RAPH1: variants seen among roughly 807,000 people sequenced by gnomAD.
RAPH1 encodes the protein ras-associated and pleckstrin homology domains-containing protein 1.
In RAPH1, 18 loss-of-function variants were observed where a neutral mutation model predicts 88.1. The ratio of observed to expected loss-of-function variants is 0.20; its 90% CI spans 0.14 to 0.30. The LOEUF is 0.30. RAPH1 is among the 10% of genes least tolerant of loss of function. RAPH1 has a pLI of 1.00. For missense variants in RAPH1, 1,448 were observed against 1,543.2 expected (o/e 0.94, Z 1.03); for synonymous variants, 587 against 559.0 (o/e 1.05, Z -0.71).
At chr2:203,509,528 CTG>C (rs1201867937) in intron 1 of RAPH1, among the ~76,000 whole-genome samples, 6 of 152,108 alleles carry the variant, frequency 3.9e-5, no homozygotes, top group East Asian at 3.8e-4. Flanking sequence ...ATTATTAAAA[CTG>C]TGTTACTTTT....
Position 203,442,162 on chromosome 2 carries a change from T to C in RAPH1, c.1777-749A>G. The C allele has an allele frequency of 2.9e-6, 4 of 1,400,802 alleles. No homozygotes were observed. The South Asian group carries it at 4.4e-5, about 16-fold the overall frequency. The allele number at this position is 1,400,802 out of a possible 1,614,324, so 86.8% of individuals were successfully genotyped here. On this transcript the variant is annotated intron_variant, in intron 13 of 13. Transcript: ENST00000319170. Reference sequence around the variant, plus strand: ...ATCATACAGAAAAAGCCAGAAGAAATTAAGAGGAAGCTCTGGAAGGCTAGA... The same window carrying C: ...ATCATACAGAAAAAGCCAGAAGAAACTAAGAGGAAGCTCTGGAAGGCTAGA...
chr2:203,446,407 T>C (rs2098509698), intron 12 of RAPH1: 1 of 152,234 alleles, frequency 6.6e-6, no homozygotes, highest in Non-Finnish European at 1.5e-5. Context: ...TGGCAGTGTT[T>C]GTCAGGTTTC....
chr2:203,455,889 G>C (rs934815740), intron 8 of RAPH1, among the ~76,000 whole-genome samples: 1 of 150,542 alleles, frequency 6.6e-6, no homozygotes, highest in Non-Finnish European at 1.5e-5. Flanking sequence ...CGAGCCTGTA[G>C]TCCCAGTTAT....
chr2:203,457,414 G>T, intron 8 of RAPH1, 116 bp downstream of exon 8: 1 of 838,392 alleles, frequency 1.2e-6, no homozygotes, highest in Non-Finnish European at 2.0e-6. Flanking sequence ...TTGAACTCCT[G>T]ATCTTGTGAT....
At chr2:203,506,764 ATATATC>A (rs1158519944) in intron 1 of RAPH1, among the ~76,000 whole-genome samples, 1 of 129,338 alleles carries the variant, frequency 7.7e-6, no homozygotes, top group African/African-American at 3.3e-5. Context: ...ATATCTATAT[ATATATC>A]TATATATATC....
intron 4 of RAPH1, among the ~76,000 whole-genome samples, chr2:203,469,721 A>T (rs1226653882): frequency 6.6e-6 from 1 of 152,230 alleles, no homozygotes; most frequent in Non-Finnish European, 1.5e-5. Flanking sequence ...GGCTGGACTG[A>T]TTCAAAACAT....
intron 4 of RAPH1, among the ~76,000 whole-genome samples, chr2:203,483,898 C>T (rs1687840166): frequency 6.6e-6 from 1 of 152,184 alleles, no homozygotes; most frequent in Non-Finnish European, 1.5e-5. Flanking sequence ...CCCAGGCCTT[C>T]AGCCTAGGAC....
At chr2:203,457,175 TTTTATTTA>T (rs559431461) in intron 8 of RAPH1, among the ~76,000 whole-genome samples, 7 of 151,424 alleles carry the variant, frequency 4.6e-5, no homozygotes, top group African/African-American at 7.3e-5. Flanking sequence ...TAATATTTTA[TTTTATTTA>T]TTTATTTATT....
intron 1 of RAPH1, among the ~76,000 whole-genome samples, chr2:203,495,745 T>C (rs1175041284): frequency 6.6e-6 from 1 of 152,096 alleles, no homozygotes; most frequent in African/African-American, 2.4e-5. Flanking sequence ...ATGGAGCAAA[T>C]TATTGTCCTG....
At chr2:203,482,891 A>G (rs937681852) in intron 4 of RAPH1, among the ~76,000 whole-genome samples, 2 of 152,218 alleles carry the variant, frequency 1.3e-5, no homozygotes, top group African/African-American at 4.8e-5. Flanking sequence ...AGCATAATCA[A>G]AGAACGCCTC....
At position 203,461,841 on chromosome 2, in the gene RAPH1, A is replaced by G. The variant is rs1417959363; in HGVS notation, c.810+7T>C. 1.9e-6 allele frequency: 3 copies of G among 1,599,572 alleles called. No individual in the cohort carries two copies. Among genetic ancestry groups the G allele is most frequent in the Admixed American group, 3.5e-5 (2 of 57,762 alleles). On this transcript the variant is annotated splice_region_variant and intron_variant, in intron 5 of 13. Transcript: ENST00000319170. ...AATCCCAAACCAGGAAGAGGCCCAC[A>G]TATCACCTTTTTCACTTGTGCCTCT... is the stretch of plus-strand genomic sequence containing the variant.
At chr2:203,480,328 C>A (rs2105782177) in intron 4 of RAPH1, among the ~76,000 whole-genome samples, 1 of 152,300 alleles carries the variant, frequency 6.6e-6, no homozygotes, top group Admixed American at 6.5e-5. Flanking sequence ...GCGGGTGAAT[C>A]ACTTGAGGTC....
chr2:203,460,972 C>T (rs2098523751), intron 6 of RAPH1, among the ~76,000 whole-genome samples: 1 of 151,754 alleles, frequency 6.6e-6, no homozygotes, highest in African/African-American at 2.4e-5. Context: ...AAATATTAGC[C>T]AGGCGTGGTG....
chr2:203,486,923 C>T (rs934449052), intron 4 of RAPH1, among the ~76,000 whole-genome samples: 4 of 152,200 alleles, frequency 2.6e-5, no homozygotes, highest in African/African-American at 9.6e-5. Context: ...CTGGTTTACT[C>T]ACCAAACCTT....
chr2:203,450,323 T>C (rs2098513768), intron 10 of RAPH1, among the ~76,000 whole-genome samples: 1 of 152,166 alleles, frequency 6.6e-6, no homozygotes, highest in African/African-American at 2.4e-5. Flanking sequence ...AATTTTCTTG[T>C]TGAAGGTTAT....
At chr2:203,526,536 C>A (rs78200867) in intron 1 of RAPH1, among the ~76,000 whole-genome samples, 1 of 151,892 alleles carries the variant, frequency 6.6e-6, no homozygotes, top group South Asian at 2.1e-4. Context: ...GCCAGCCTGG[C>A]CAACATGGTA....
At chr2:203,480,388 A>C (rs547413722) in intron 4 of RAPH1, among the ~76,000 whole-genome samples, 7 of 152,282 alleles carry the variant, frequency 4.6e-5, no homozygotes, top group African/African-American at 1.7e-4. Flanking sequence ...GTCTCTAAAA[A>C]ATTATAAAGA....
intron 4 of RAPH1, chr2:203,477,081 T>C: frequency 6.2e-7 from 1 of 1,611,926 alleles, no homozygotes; most frequent in Non-Finnish European, 8.5e-7. Context: ...CTTACAGGTG[T>C]CAGCTCAGCC....
intron 7 of RAPH1, 37 bp from the exon 8 acceptor site, chr2:203,457,632 A>G (rs2098520826): frequency 6.9e-7 from 1 of 1,442,482 alleles, no homozygotes; most frequent in African/African-American, 1.4e-5. Context: ...TGGGTGGGAG[A>G]GAAAAAAAGA....
Sources: allele counts gnomAD v4.1 joint callset (sites outside exome capture counted in the v4.1 genomes callset), GRCh38; gene constraint gnomAD v4.1.1; transcripts MANE v1.5; gene names NCBI Gene and HGNC (gene_info 2026-07-23, HGNC 2026-07-21).